The following MAP3K4 variants were observed in gnomAD, a reference collection of about 807,000 sequenced individuals.
MAP3K4 encodes mitogen-activated protein kinase kinase kinase 4, also known as MAP three kinase 1.
In MAP3K4, 67 loss-of-function variants were observed where a neutral mutation model predicts 185.6. The observed-to-expected ratio is 0.36, with a 90% CI of 0.30 to 0.44. The LOEUF is 0.44. Ranked by LOEUF, MAP3K4 falls within the 20% of genes least tolerant of loss-of-function variation. The probability of loss-of-function intolerance (pLI) is 1.00; values close to 1 mark genes in which losing one functional copy is unlikely to be tolerated. For synonymous variants in MAP3K4, 702 were observed against 710.4 expected, an observed-to-expected ratio of 0.99 and a Z score of 0.19; for missense variants, 1,551 against 1,995.1, an observed-to-expected ratio of 0.78 and a Z score of 4.24.
Position 161,048,916 on chromosome 6 carries a change from G to A in MAP3K4, c.644G>A (p.Arg215Lys), listed in dbSNP as rs1425908001. ...GCCAGACCTGCACGCCAGACTTCTA[G>A]GACTGACTGTCCAGCAGATCGTTTA... ...PIARPARQTS[R>K]TDCPADRLKF... Residue 215 changes from arginine (R) to lysine (K), a missense_variant, in exon 3 of 27, where the codon AGG (arginine) becomes AAG (lysine). This residue lies in a region of MAP3K4 where 69 missense variants were observed against 124.8 expected (regional missense o/e 0.55). Coordinates refer to ENST00000392142, the MANE Select transcript of MAP3K4 (RefSeq NM_005922.4). The surrounding 1 kb of genome is among the most constrained non-coding windows in gnomAD (Gnocchi z 4.7). The A allele has an allele frequency of 5.0e-6, 8 of 1,614,104 alleles. No homozygotes were observed. The highest frequency in any genetic ancestry group is 2.2e-5 in the East Asian group (1 of 44,886).
Position 161,091,388 on chromosome 6 carries a change from T to C in MAP3K4, c.2983T>C (p.Leu995=). The part of the protein sequence containing the change: ...KALQQLKNDA[L]ELCNRISNAI... The stretch of plus-strand genomic sequence containing the variant: ...GGTTTGGACTCTTCAGAATGATGCA[T>C]TGGAGCTATGCAACAGGATAAGCAA... Residue 995 remains leucine (L), a synonymous_variant, in exon 12 of 27, where the codon TTG becomes CTG. Transcript: ENST00000392142. This position sits in a 1 kb window ranked among gnomAD's most constrained non-coding sequence, Gnocchi z 5.5. The C allele has an allele frequency of 3.7e-6, 6 of 1,613,646 alleles. No individual in the cohort carries two copies. Among genetic ancestry groups the C allele is most frequent in the Non-Finnish European group, 5.1e-6 (6 of 1,179,824 alleles).
At chr6:161,047,601 T>G (rs1783794522) in intron 2 of MAP3K4, among the ~76,000 whole-genome samples, 1 of 152,038 alleles carries the variant, frequency 6.6e-6, no homozygotes, top group South Asian at 2.1e-4. Flanking sequence ...TATCGATATA[T>G]GATGTGGAAA....
intron 2 of MAP3K4, among the ~76,000 whole-genome samples, chr6:161,047,721 C>T (rs901476102): frequency 1.3e-5 from 2 of 152,078 alleles, no homozygotes; most frequent in Non-Finnish European, 1.5e-5. Context: ...AAGGGACTAA[C>T]TTAAGGAAGT....
At chr6:161,000,847 GCA>G (rs1165900137) in intron 1 of MAP3K4, among the ~76,000 whole-genome samples, 2 of 143,256 alleles carry the variant, frequency 1.4e-5, no homozygotes, top group Non-Finnish European at 3.0e-5. Flanking sequence ...ACATGTGTAC[GCA>G]CATATACACA....
At chr6:161,025,354 A>G (rs1782596611) in intron 1 of MAP3K4, among the ~76,000 whole-genome samples, 1 of 152,234 alleles carries the variant, frequency 6.6e-6, no homozygotes. Flanking sequence ...TGTGCCGTCA[A>G]AGCAAAGGTG....
chr6:161,031,257 C>A (rs1316409024), intron 1 of MAP3K4, among the ~76,000 whole-genome samples: 1 of 152,100 alleles, frequency 6.6e-6, no homozygotes, highest in African/African-American at 2.4e-5. Context: ...AGAATTATTA[C>A]AAGGATTTAT....
chr6:161,079,684 GTGAAAGGGCGGTTC>G (rs1785354279), intron 5 of MAP3K4, among the ~76,000 whole-genome samples: 1 of 152,312 alleles, frequency 6.6e-6, no homozygotes, highest in South Asian at 2.1e-4. Context: ...TCACCAAGAA[GTGAAAGGGCGGTTC>G]TGAGCCTCGT....
Position 161,088,027 on chromosome 6 carries a change from A to G in MAP3K4, c.2823+73A>G. ...AGTAAGAATGAACTGTTAGCTGCTC[A>G]TGAATGAGGGGTTTGACTACCCTAG... On this transcript the variant is annotated intron_variant, in intron 10 of 26. Coordinates refer to ENST00000392142, the MANE Select transcript of MAP3K4 (RefSeq NM_005922.4). This position sits in a 1 kb window ranked among gnomAD's most constrained non-coding sequence, Gnocchi z 4.5. 1 of 1,479,836 alleles carries G rather than the reference A, an allele frequency of 6.8e-7. No homozygotes were observed. Among genetic ancestry groups the G allele is most frequent in the African/African-American group, 1.4e-5 (1 of 70,310 alleles). The allele number at this position is 1,479,836 out of a possible 1,614,324, so 91.7% of individuals were successfully genotyped here.
At chr6:161,029,904 T>A (rs1782843262) in intron 1 of MAP3K4, among the ~76,000 whole-genome samples, 1 of 152,172 alleles carries the variant, frequency 6.6e-6, no homozygotes. Context: ...TTTCTTTCCC[T>A]CCTATTAATA....
rs1414360588 is a variant in MAP3K4, at chr6:161,110,382, G to GGT, written c.4396+468_4396+469insGT. On this transcript the variant is annotated intron_variant, in intron 23 of 26. Transcript: ENST00000392142. This position sits in a 1 kb window ranked among gnomAD's most constrained non-coding sequence, Gnocchi z 4.8. ...TTGTTTACACAAACCTTGAAATTGAGTTCTGCTGAAGGTTATTTTGGCCAT... is the reference window on the plus strand; with the variant it reads ...TTGTTTACACAAACCTTGAAATTGAGGTTTCTGCTGAAGGTTATTTTGGCCAT... Among the ~76,000 whole-genome samples the GGT allele has an allele frequency of 1.3e-5, 2 of 152,178 alleles. No homozygotes were observed. Among genetic ancestry groups the GGT allele is most frequent in the African/African-American group, 2.4e-5 (1 of 41,420 alleles).
chr6:161,011,945 A>G (rs1781861774), intron 1 of MAP3K4, among the ~76,000 whole-genome samples: 1 of 152,154 alleles, frequency 6.6e-6, no homozygotes, highest in African/African-American at 2.4e-5. Flanking sequence ...AGTGAATGAA[A>G]TTGGTACGGT....
chr6:161,072,891 TTTTG>T (rs980807376), intron 4 of MAP3K4, among the ~76,000 whole-genome samples: 39 of 152,274 alleles, frequency 2.6e-4, no homozygotes, highest in East Asian at 3.9e-4. Flanking sequence ...TTTGCCCATT[TTTTG>T]TTTTGTTTTT....
intron 3 of MAP3K4, among the ~76,000 whole-genome samples, chr6:161,066,761 G>A (rs914461403): frequency 6.6e-6 from 1 of 152,144 alleles, no homozygotes; most frequent in Non-Finnish European, 1.5e-5. Flanking sequence ...GCAGGAAGGG[G>A]GTTCCTCTGT....
chr6:161,078,547 A>G (rs1010589159), intron 5 of MAP3K4, among the ~76,000 whole-genome samples: 2 of 152,192 alleles, frequency 1.3e-5, no homozygotes, highest in African/African-American at 4.8e-5. Context: ...GTGGTTGAAC[A>G]AATCTCCTGG....
Position 161,086,250 on chromosome 6 carries a change from A to G in MAP3K4, c.2373-129A>G. 2 of 544,694 alleles carry G rather than the reference A, an allele frequency of 3.7e-6. No homozygotes were observed. Among genetic ancestry groups the G allele is most frequent in the East Asian group, 2.9e-5 (1 of 34,592 alleles). The allele number at this position is 544,694 out of a possible 1,614,324, so 33.7% of individuals were successfully genotyped here. A position where few individuals can be genotyped will look rare whatever the true frequency, so the allele number is the denominator to read the frequency against. ...ACATCTTCAATAATAGTTTGTTCCC[A>G]TTTAAAAAATCCTCAGTCTTTATTT... On this transcript the variant is annotated intron_variant, in intron 7 of 26. Coordinates refer to ENST00000392142, the MANE Select transcript of MAP3K4 (RefSeq NM_005922.4). The surrounding 1 kb of genome is among the most constrained non-coding windows in gnomAD (Gnocchi z 4.8).
chr6:161,000,812 TAC>T (rs984246710), intron 1 of MAP3K4, among the ~76,000 whole-genome samples: 12 of 141,410 alleles, frequency 8.5e-5, no homozygotes, highest in African/African-American at 3.0e-4. Context: ...CACCCATATA[TAC>T]ACACATGTGT....
rs1583223953 is a variant in MAP3K4, at chr6:161,093,635, A to G, written c.3349-138A>G. ...TTACATACAATTTGTGTTTATACCTATTTTCTTTTAAACTAACTGAAAATA... is the reference window on the plus strand; with the variant it reads ...TTACATACAATTTGTGTTTATACCTGTTTTCTTTTAAACTAACTGAAAATA... On this transcript the variant is annotated intron_variant, in intron 14 of 26. Coordinates refer to ENST00000392142, the MANE Select transcript of MAP3K4 (RefSeq NM_005922.4). The surrounding 1 kb of genome is among the most constrained non-coding windows in gnomAD (Gnocchi z 5.2). 2 of 584,388 alleles carry G rather than the reference A, an allele frequency of 3.4e-6. No individual in the cohort carries two copies. Among genetic ancestry groups the G allele is most frequent in the South Asian group, 2.3e-5 (1 of 43,460 alleles). The allele number at this position is 584,388 out of a possible 1,614,324, so 36.2% of individuals were successfully genotyped here. A position where few individuals can be genotyped will look rare whatever the true frequency, so the allele number is the denominator to read the frequency against.
rs570179806 is a variant in MAP3K4 at position 161,064,917 on chromosome 6, AAGGTATTGTCCAAAC to A, written c.1708-5686_1708-5672del. On this transcript the variant is annotated intron_variant, in intron 3 of 26. Transcript: ENST00000392142. This position sits in a 1 kb window ranked among gnomAD's most constrained non-coding sequence, Gnocchi z 4.3. The stretch of plus-strand genomic sequence containing the variant: ...ATGGGCCAATGCCTTCGTGGAGTCC[AAGGTATTGTCCAAAC>A]AGGTTTCCCTCAGGAAGGTTTAATT... Among the ~76,000 whole-genome samples, 8 of 152,314 alleles carry A rather than the reference AAGGTATTGTCCAAAC, an allele frequency of 5.3e-5. No homozygotes were observed. The highest frequency in any genetic ancestry group is 1.9e-4 in the African/African-American group (8 of 41,576).
intron 3 of MAP3K4, among the ~76,000 whole-genome samples, chr6:161,066,819 A>G (rs939625834): frequency 2.6e-5 from 4 of 152,310 alleles, no homozygotes. Context: ...GTGGTCTTGC[A>G]CTTTTTTGAG....
Sources: gnomAD v4.1 joint callset for allele counts (sites outside exome capture counted in the v4.1 genomes callset) on GRCh38, gnomAD v4.1.1 for gene constraint, gnomAD v4.1.1 regional missense constraint, Gnocchi (gnomAD v3.1) non-coding constraint, MANE v1.5 for transcripts, NCBI Gene and HGNC (gene_info 2026-07-23, HGNC 2026-07-21) for gene names.